Variants in CBL observed in about 807,000 individuals in gnomAD.
CBL encodes the protein Cbl proto-oncogene.
In CBL, 45 loss-of-function variants were observed where a neutral mutation model predicts 96.9. That is an observed-to-expected ratio of 0.46 (90% CI 0.37 to 0.60). The LOEUF is 0.60. CBL is among the 20% of genes least tolerant of loss of function. CBL has a pLI of 0.00. For missense variants in CBL, 1,024 were observed against 1,143.5 expected, an observed-to-expected ratio of 0.90 and a Z score of 1.51; for synonymous variants, 420 against 426.8, an observed-to-expected ratio of 0.98 and a Z score of 0.20.
At chr11:119,289,326 T>C (rs1950007722) in intron 12 of CBL, among the ~76,000 whole-genome samples, 1 of 152,196 alleles carries the variant, frequency 6.6e-6, no homozygotes, top group Non-Finnish European at 1.5e-5. Flanking sequence ...CTTTTAGTTA[T>C]ATTTATTTGT....
chr11:119,249,213 GA>G (rs1173719837), intron 2 of CBL, among the ~76,000 whole-genome samples: 1 of 152,214 alleles, frequency 6.6e-6, no homozygotes, highest in Non-Finnish European at 1.5e-5. Flanking sequence ...ATGAGTGGGT[GA>G]AGCAAATGTG....
chr11:119,273,842 A>T (rs1949867074), intron 3 of CBL, 26 bp from the exon 4 acceptor site: 1 of 1,606,978 alleles, frequency 6.2e-7, no homozygotes, highest in Middle Eastern at 1.7e-4. Flanking sequence ...ATTTCACTTT[A>T]TGCCTCCTCT....
intron 14 of CBL, 147 bp from the exon 15 acceptor site, chr11:119,298,211 A>G (rs942637653): frequency 6.6e-6 from 5 of 752,842 alleles, no homozygotes; most frequent in South Asian, 1.5e-5. Context: ...CTCTGTTTAC[A>G]TGGTGTTTGG....
intron 9 of CBL, among the ~76,000 whole-genome samples, chr11:119,281,449 G>C (rs1186819963): frequency 6.7e-6 from 1 of 149,602 alleles, no homozygotes; most frequent in African/African-American, 2.5e-5. Context: ...AGCTTCTAAT[G>C]TATTTTTGCT....
In CBL at chr11:119,300,421, T is replaced by C; in HGVS notation, c.*640T>C. On this transcript the variant is annotated 3_prime_UTR_variant, in exon 16 of 16. Transcript: ENST00000264033. ...CCCATCAACTCCTTCCTCATCCTTCTTGGTGTTCTGTCATGGGCCATGGGC... is the reference window on the plus strand; with the variant it reads ...CCCATCAACTCCTTCCTCATCCTTCCTGGTGTTCTGTCATGGGCCATGGGC... 1 of 406,572 alleles carries C rather than the reference T, an allele frequency of 2.5e-6. No homozygotes were observed. The highest frequency in any genetic ancestry group is 4.3e-6 in the Non-Finnish European group (1 of 230,156). 25.2% of individuals were successfully genotyped at this position (406,572 alleles called of 1,614,324 possible).
At chr11:119,264,392 TC>T (rs1949780704) in intron 2 of CBL, among the ~76,000 whole-genome samples, 4 of 55,364 alleles carry the variant, frequency 7.2e-5, no homozygotes, top group Middle Eastern at 6.1e-3. Context: ...TTTTCTTTTC[TC>T]TTCTCTTCTC....
intron 1 of CBL, among the ~76,000 whole-genome samples, chr11:119,229,838 C>G (rs1949487842): frequency 6.6e-6 from 1 of 151,842 alleles, no homozygotes; most frequent in African/African-American, 2.4e-5. Context: ...AGTGATTCTC[C>G]TGCCTCAGCC....
Position 119,217,899 on chromosome 11 carries a change from C to T in CBL, c.195+11287C>T, listed in dbSNP as rs1362012047. ...CAGCCTAGTCGATGTAGTTAGAACC[C>T]CATCTCTACAAAATAAAAAATAAAA... On this transcript the variant is annotated intron_variant, in intron 1 of 15. Coordinates refer to ENST00000264033, the MANE Select transcript of CBL (RefSeq NM_005188.4). Among the ~76,000 whole-genome samples, 3 of 151,852 alleles carry T rather than the reference C, an allele frequency of 2.0e-5. No individual in the cohort carries two copies. The East Asian group carries it at 5.8e-4, about 29-fold the overall frequency.
intron 1 of CBL, among the ~76,000 whole-genome samples, chr11:119,223,009 C>A (rs1288589977): frequency 2.0e-5 from 3 of 151,728 alleles, no homozygotes. Flanking sequence ...GGCCCTATCG[C>A]TGCAAAAAAT....
Position 119,276,103 on chromosome 11 carries a change from C to T in CBL, c.976C>T (p.Gln326Ter). ...AATCCCTCACAATAAACCTCTCTTC[C>T]AAGCACTGATTGATGGCTTCAGGGA... is the stretch of plus-strand genomic sequence containing the variant. ...QTIPHNKPLF[Q>*]ALIDGFREGF... Residue 326 changes from glutamine (Q) to a stop codon, truncating the protein, a stop_gained, in exon 6 of 16, where the codon CAA becomes TAA. Coordinates refer to ENST00000264033, the MANE Select transcript of CBL (RefSeq NM_005188.4). LOFTEE classifies it high-confidence loss of function. 1.2e-6 allele frequency: 2 copies of T among 1,614,014 alleles called. No homozygotes were observed. Among genetic ancestry groups the T allele is most frequent in the Non-Finnish European group, 1.7e-6 (2 of 1,179,936 alleles).
In CBL at chr11:119,298,534, A is replaced by C. The variant is rs1950079213; in HGVS notation, c.2428A>C (p.Thr810Pro). 6.2e-7 allele frequency: 1 copy of C among 1,613,974 alleles called. No individual in the cohort carries two copies. Among genetic ancestry groups the C allele is most frequent in the Non-Finnish European group, 8.5e-7 (1 of 1,179,946 alleles). ...CTGGTTGTCTCTGGATGGTGATCCT[A>C]CAACAAGTGAGTCTCCAGACTACTT... ...FGWLSLDGDPTTNVTEGSQVP... is the reference protein window; with the variant it reads ...FGWLSLDGDPPTNVTEGSQVP... Residue 810 changes from threonine to proline, a missense_variant, in exon 15 of 16, where the codon ACA becomes CCA. Around this residue, in one of 4 missense-constraint regions of CBL, gnomAD observed 695 missense variants for 661.6 expected, o/e 1.05. Coordinates refer to ENST00000264033, the MANE Select transcript of CBL (RefSeq NM_005188.4).
chr11:119,234,590 A>G (rs1489093778), intron 2 of CBL, among the ~76,000 whole-genome samples: 2 of 152,224 alleles, frequency 1.3e-5, no homozygotes, highest in Non-Finnish European at 2.9e-5. Context: ...AAAGTTAAGC[A>G]TTCAAATTTG....
intron 2 of CBL, 39 bp downstream of exon 2, chr11:119,232,734 G>A (rs779508851): frequency 4.4e-6 from 7 of 1,595,308 alleles, no homozygotes; most frequent in African/African-American, 1.3e-5. Flanking sequence ...ATGCAGGTCT[G>A]TGACTGCCTG....
At chr11:119,231,704 G>T (rs150453851) in intron 1 of CBL, among the ~76,000 whole-genome samples, 92 of 152,174 alleles carry the variant, frequency 6.0e-4, no homozygotes, top group African/African-American at 2.2e-3. Context: ...GTGAAACTCT[G>T]TCTCAAAAAA....
chr11:119,289,310 C>G (rs528895885), intron 12 of CBL, among the ~76,000 whole-genome samples: 1 of 152,070 alleles, frequency 6.6e-6, no homozygotes, highest in South Asian at 2.1e-4. Context: ...TGGTTTTTTT[C>G]TTTTCCTTTT....
At chr11:119,220,653 C>T (rs1347949817) in intron 1 of CBL, among the ~76,000 whole-genome samples, 2 of 152,118 alleles carry the variant, frequency 1.3e-5, no homozygotes, top group Admixed American at 6.5e-5. Flanking sequence ...GTTTTCAGAG[C>T]ATACATTGTA....
At chr11:119,296,613 AG>A (rs1950063731) in intron 12 of CBL, among the ~76,000 whole-genome samples, 1 of 152,192 alleles carries the variant, frequency 6.6e-6, no homozygotes, top group African/African-American at 2.4e-5. Flanking sequence ...CTCTAACTCT[AG>A]GGCCTGGGAC....
At chr11:119,208,787 CAAATA>C (rs1350257884) in intron 1 of CBL, among the ~76,000 whole-genome samples, 2 of 152,098 alleles carry the variant, frequency 1.3e-5, no homozygotes, top group African/African-American at 4.8e-5. Flanking sequence ...CAAGGTAGCC[CAAATA>C]AAATCCTCCC....
chr11:119,252,627 G>A (rs963386346), intron 2 of CBL, among the ~76,000 whole-genome samples: 12 of 151,912 alleles, frequency 7.9e-5, no homozygotes, highest in Non-Finnish European at 1.6e-4. Context: ...AGGCCGAGGC[G>A]GGTGGATCAC....
Sources: allele counts gnomAD v4.1 joint callset (sites outside exome capture counted in the v4.1 genomes callset), GRCh38; gene constraint gnomAD v4.1.1; regional missense constraint gnomAD v4.1.1; transcripts MANE v1.5; gene names NCBI Gene and HGNC (gene_info 2026-07-23, HGNC 2026-07-21).